PRKAG2: variants seen among roughly 807,000 people sequenced by gnomAD.
The protein encoded by PRKAG2 is protein kinase AMP-activated non-catalytic subunit gamma 2, also known as 5'-AMP-activated protein kinase subunit gamma-2.
PRKAG2 carries 26 observed loss-of-function variants against 69.6 expected under a neutral mutation model. The ratio of observed to expected loss-of-function variants is 0.37; its 90% CI spans 0.27 to 0.52. PRKAG2 has a LOEUF of 0.52. PRKAG2 is among the 20% of genes least tolerant of loss of function. The probability of loss-of-function intolerance (pLI) is 0.90; values close to 1 mark genes in which losing one functional copy is unlikely to be tolerated. For synonymous variants in PRKAG2, 293 were observed against 285.0 expected (o/e 1.03, Z -0.28); for missense variants, 557 against 740.0 (o/e 0.75, Z 2.87).
intron 1 of PRKAG2, among the ~76,000 whole-genome samples, chr7:151,793,335 G>A (rs1222822831): frequency 1.3e-5 from 2 of 152,196 alleles, no homozygotes; most frequent in Non-Finnish European, 2.9e-5. Context: ...TAGGTGAGAC[G>A]GCCAGGACCC....
intron 3 of PRKAG2, among the ~76,000 whole-genome samples, chr7:151,729,199 G>C (rs1010717281): frequency 6.6e-6 from 1 of 152,074 alleles, no homozygotes; most frequent in African/African-American, 2.4e-5. Flanking sequence ...CCAAATCCAC[G>C]GCTGGGAGTG....
chr7:151,793,115 C>T (rs536606238), intron 1 of PRKAG2, among the ~76,000 whole-genome samples: 5 of 152,310 alleles, frequency 3.3e-5, no homozygotes, highest in East Asian at 1.9e-4. Flanking sequence ...CAACAATAGG[C>T]GAGATCAGGA....
chr7:151,657,700 A>T (rs1412365145), intron 4 of PRKAG2, among the ~76,000 whole-genome samples: 1 of 152,178 alleles, frequency 6.6e-6, no homozygotes, highest in Non-Finnish European at 1.5e-5. Flanking sequence ...GTGGGTTTGA[A>T]TCCAAGCCCC....
chr7:151,558,780 C>T (rs1051542552), intron 15 of PRKAG2: 15 of 985,320 alleles, frequency 1.5e-5, no homozygotes, highest in Non-Finnish European at 1.8e-5. Flanking sequence ...AGATTCCTCT[C>T]TGCACCAGCA....
chr7:151,706,517 C>T (rs967582247), intron 3 of PRKAG2, among the ~76,000 whole-genome samples: 1 of 148,700 alleles, frequency 6.7e-6, no homozygotes, highest in Admixed American at 6.7e-5. Context: ...CAGGAAGACA[C>T]CGAGATCTCC....
intron 3 of PRKAG2, among the ~76,000 whole-genome samples, chr7:151,683,243 A>AGAG (rs1436963441): frequency 3.3e-5 from 5 of 152,050 alleles, no homozygotes; most frequent in African/African-American, 9.7e-5. Context: ...CAGGCGCTGG[A>AGAG]GAGGAGGAGG....
rs368873805 is a variant in PRKAG2 at position 151,648,365 on chromosome 7, T to G, written c.685-16227A>C. Among the ~76,000 whole-genome samples, 112 of 152,324 alleles carry G rather than the reference T, an allele frequency of 7.4e-4. 1 individual carries two copies. The Middle Eastern group carries it at 0.024, about 32-fold the overall frequency. ...ATGTCGCTATGAAAACGTTCATCCT[T>G]GTACCGCCTGAAAGCATCTTGCATC... is the stretch of plus-strand genomic sequence containing the variant. On this transcript the variant is annotated intron_variant, in intron 4 of 15. Coordinates refer to ENST00000287878, the MANE Select transcript of PRKAG2 (RefSeq NM_016203.4).
intron 1 of PRKAG2, among the ~76,000 whole-genome samples, chr7:151,792,563 C>T (rs1209565003): frequency 6.6e-6 from 1 of 152,194 alleles, no homozygotes; most frequent in East Asian, 1.9e-4. Flanking sequence ...GACCTTCCAG[C>T]GTTTCTGATG....
At chr7:151,812,319 G>A (rs1253600317) in intron 1 of PRKAG2, among the ~76,000 whole-genome samples, 1 of 152,188 alleles carries the variant, frequency 6.6e-6, no homozygotes, top group Non-Finnish European at 1.5e-5. Context: ...AAGGGGGTGT[G>A]GTGAGACTGG....
chr7:151,576,284 AT>A (rs1349312360), intron 7 of PRKAG2, 86 bp downstream of exon 7: 4 of 1,219,966 alleles, frequency 3.3e-6, no homozygotes, highest in Non-Finnish European at 4.8e-6. Flanking sequence ...ACTAGGTTGA[AT>A]TCCAAACCGG....
rs58075222 is a variant in PRKAG2, at chr7:151,751,673, TTTTGTTTG to T, written c.466+29471_466+29478del. On this transcript the variant is annotated intron_variant, in intron 3 of 15. Coordinates refer to ENST00000287878, the MANE Select transcript of PRKAG2 (RefSeq NM_016203.4). ...GGCACATGTCTCCATGCCCAGCTAT[TTTTGTTTG>T]TTTGTTTGTTTGTTTGTTTGTTTGG... Among the ~76,000 whole-genome samples, 953 of 149,558 alleles carry T rather than the reference TTTTGTTTG, an allele frequency of 6.4e-3. 10 individuals are homozygous for T. Among genetic ancestry groups the T allele is most frequent in the African/African-American group, 0.02 (818 of 40,414 alleles).
At chr7:151,833,550 G>A (rs562929485) in intron 1 of PRKAG2, among the ~76,000 whole-genome samples, 10 of 152,178 alleles carry the variant, frequency 6.6e-5, no homozygotes, top group African/African-American at 9.7e-5. Context: ...GAGCCAGAGC[G>A]GGGCGGCAGG....
chr7:151,557,573 T>C (rs971147247), intron 15 of PRKAG2: 1 of 985,140 alleles, frequency 1.0e-6, no homozygotes, highest in African/African-American at 1.7e-5. Flanking sequence ...CAAATATGTA[T>C]TAAAAAAAGG....
chr7:151,592,084 G>A (rs1306524250), intron 6 of PRKAG2, among the ~76,000 whole-genome samples: 1 of 152,122 alleles, frequency 6.6e-6, no homozygotes, highest in Non-Finnish European at 1.5e-5. Context: ...CATGGACACT[G>A]CATGGGTACA....
At chr7:151,829,006 G>A (rs1181517453) in intron 1 of PRKAG2, among the ~76,000 whole-genome samples, 3 of 152,046 alleles carry the variant, frequency 2.0e-5, no homozygotes, top group Admixed American at 6.6e-5. Context: ...ATGGGATACC[G>A]AAAGCATAGG....
At chr7:151,688,132 C>T (rs1328389525) in intron 3 of PRKAG2, among the ~76,000 whole-genome samples, 1 of 144,162 alleles carries the variant, frequency 6.9e-6, no homozygotes, top group Non-Finnish European at 1.5e-5. Context: ...CAATAGGAGA[C>T]CTGGGGGACT....
chr7:151,621,461 T>C (rs1285182589), intron 5 of PRKAG2, among the ~76,000 whole-genome samples: 1 of 152,182 alleles, frequency 6.6e-6, no homozygotes, highest in Non-Finnish European at 1.5e-5. Context: ...TGTGGAAGGA[T>C]GGCTTGAGCC....
chr7:151,773,027 G>GAAAGAAAGAAAGAGAA (rs1563639348), intron 3 of PRKAG2, among the ~76,000 whole-genome samples: 1 of 29,000 alleles, frequency 3.4e-5, no homozygotes. Context: ...GAAAGAAAGA[G>GAAAGAAAGAAAGAGAA]AGAGAGAGAG....
intron 1 of PRKAG2, among the ~76,000 whole-genome samples, chr7:151,861,633 C>T (rs1357266793): frequency 6.6e-6 from 1 of 151,664 alleles, no homozygotes; most frequent in Non-Finnish European, 1.5e-5. Context: ...GCCACAGCTA[C>T]ATTCTTAGGG....
Sources: gnomAD v4.1 joint callset for allele counts (sites outside exome capture counted in the v4.1 genomes callset) on GRCh38, gnomAD v4.1.1 for gene constraint, MANE v1.5 for transcripts, NCBI Gene and HGNC (gene_info 2026-07-23, HGNC 2026-07-21) for gene names.